Variants in TEAD1 observed in about 807,000 individuals in gnomAD.
The protein encoded by TEAD1 is transcriptional enhancer factor TEF-1.
In TEAD1, 9 loss-of-function variants were observed where a neutral mutation model predicts 54.9. That is an observed-to-expected ratio of 0.16 (90% CI 0.10 to 0.29). The LOEUF (loss-of-function observed/expected upper bound fraction) is 0.29, where lower values mean the gene tolerates loss of function less well. TEAD1 is among the 10% of genes least tolerant of loss of function. TEAD1 has a pLI of 1.00. For synonymous variants in TEAD1, 200 were observed against 187.8 expected, an observed-to-expected ratio of 1.07 and a Z score of -0.53; for missense variants, 387 against 535.9, an observed-to-expected ratio of 0.72 and a Z score of 2.74.
At chr11:12,933,472 A>G (rs1039969439) in intron 12 of TEAD1, among the ~76,000 whole-genome samples, 2 of 152,196 alleles carry the variant, frequency 1.3e-5, no homozygotes, top group African/African-American at 4.8e-5. Context: ...ACTTTAAATC[A>G]TCTCTAGATT....
At chr11:12,899,027 T>G (rs1206704666) in intron 9 of TEAD1, among the ~76,000 whole-genome samples, 23 of 152,162 alleles carry the variant, frequency 1.5e-4, no homozygotes, top group Admixed American at 1.5e-3. Context: ...ACTTCAAGTT[T>G]CCCAGCTTCT....
intron 9 of TEAD1, among the ~76,000 whole-genome samples, chr11:12,890,589 G>T (rs1245463902): frequency 6.6e-6 from 1 of 152,148 alleles, no homozygotes; most frequent in East Asian, 1.9e-4. Context: ...TTACTGTGAT[G>T]ATTACATTTA....
chr11:12,857,576 C>CTGTG (rs1461148875), intron 3 of TEAD1, among the ~76,000 whole-genome samples: 8 of 67,928 alleles, frequency 1.2e-4, no homozygotes, highest in Admixed American at 3.8e-4. Flanking sequence ...CTCTCTCTGT[C>CTGTG]TCTGTGTGTG....
intron 3 of TEAD1, among the ~76,000 whole-genome samples, chr11:12,846,853 C>T (rs896621609): frequency 1.3e-5 from 2 of 152,148 alleles, no homozygotes; most frequent in African/African-American, 4.8e-5. Flanking sequence ...TTAAGCTTTC[C>T]AGGTTCATTC....
chr11:12,838,970 CTT>C (rs1447022874), intron 3 of TEAD1, among the ~76,000 whole-genome samples: 1 of 152,172 alleles, frequency 6.6e-6, no homozygotes, highest in Non-Finnish European at 1.5e-5. Context: ...GGGAAACAGA[CTT>C]ATAAATTCCT....
chr11:12,823,500 A>G (rs1011733579), intron 3 of TEAD1: 2 of 152,230 alleles, frequency 1.3e-5, no homozygotes, highest in Non-Finnish European at 2.9e-5. Context: ...ACAGGTGGGC[A>G]TGCTGGGGAC....
rs540247289 is a variant in TEAD1, at chr11:12,831,528, T to G, written c.203-30722T>G. Among the ~76,000 whole-genome samples, 20 of 152,198 alleles carry G rather than the reference T, an allele frequency of 1.3e-4. No individual in the cohort carries two copies. In the East Asian group the frequency reaches 3.5e-3, roughly 26 times the overall value. ...TTAAAAATAGGGTTCTAGAGGTGTT[T>G]TTGTTGTTGTTGTTGTGTTTTTTGT... On this transcript the variant is annotated intron_variant, in intron 3 of 12. Transcript: ENST00000527636.
chr11:12,690,261 AAAT>A (rs1554920389), intron 2 of TEAD1, among the ~76,000 whole-genome samples: 1 of 145,832 alleles, frequency 6.9e-6, no homozygotes, highest in African/African-American at 2.6e-5. Flanking sequence ...AAAAAAAAAA[AAAT>A]AATAAGCCCT....
intron 12 of TEAD1, among the ~76,000 whole-genome samples, chr11:12,934,716 A>G (rs1949069796): frequency 6.6e-6 from 1 of 152,108 alleles, no homozygotes. Flanking sequence ...AGAATGCTCA[A>G]GTCTGCACTT....
At chr11:12,865,045 T>C in intron 5 of TEAD1, 145 bp downstream of exon 5, 1 of 907,266 alleles carries the variant, frequency 1.1e-6, no homozygotes, top group Non-Finnish European at 1.8e-6. Flanking sequence ...TTGTGTTTAA[T>C]CTCTCTGTTT....
intron 5 of TEAD1, among the ~76,000 whole-genome samples, chr11:12,873,744 A>G (rs143572609): frequency 5.4e-4 from 82 of 152,312 alleles, no homozygotes; most frequent in African/African-American, 1.9e-3. Context: ...TCCTTTTTCC[A>G]AAACCATAAT....
At chr11:12,885,024 C>G (rs1948057743) in intron 9 of TEAD1, among the ~76,000 whole-genome samples, 1 of 152,158 alleles carries the variant, frequency 6.6e-6, no homozygotes, top group Non-Finnish European at 1.5e-5. Context: ...GTATTTCATT[C>G]TGTCCTTACA....
At chr11:12,860,332 T>C (rs1187649484) in intron 3 of TEAD1, among the ~76,000 whole-genome samples, 2 of 152,182 alleles carry the variant, frequency 1.3e-5, no homozygotes, top group Non-Finnish European at 2.9e-5. Flanking sequence ...CTAAGGCTTA[T>C]GAGGACTTTC....
Position 12,709,346 on chromosome 11 carries a change from TAAA to T in TEAD1, c.-55+33795_-55+33797del, listed in dbSNP as rs60875630. Among the ~76,000 whole-genome samples, 313 of 144,898 alleles carry T rather than the reference TAAA, an allele frequency of 2.2e-3. 1 individual carries two copies. The highest frequency in any genetic ancestry group is 6.9e-3 in the African/African-American group (279 of 40,434). ...GAGCAAGATTCTCTCTCAAAAAAAATAAAAAAAAAAAACCAGAATAATTTGATG... is the reference window on the plus strand; with the variant it reads ...GAGCAAGATTCTCTCTCAAAAAAAATAAAAAAAAACCAGAATAATTTGATG... On this transcript the variant is annotated intron_variant, in intron 2 of 12. Coordinates refer to ENST00000527636, the MANE Select transcript of TEAD1 (RefSeq NM_021961.6).
chr11:12,912,359 G>GGA (rs1214439587), intron 10 of TEAD1, among the ~76,000 whole-genome samples: 1 of 152,124 alleles, frequency 6.6e-6, no homozygotes, highest in Admixed American at 6.6e-5. Context: ...GCACAGAGGT[G>GGA]GAACCCTTTT....
At chr11:12,880,305 G>A (rs981011262) in intron 6 of TEAD1, among the ~76,000 whole-genome samples, 4 of 152,214 alleles carry the variant, frequency 2.6e-5, no homozygotes, top group Non-Finnish European at 5.9e-5. Context: ...GAAGCATTAT[G>A]TTATAATCTC....
intron 2 of TEAD1, among the ~76,000 whole-genome samples, chr11:12,702,726 G>A (rs571843878): frequency 2.0e-5 from 3 of 152,152 alleles, no homozygotes; most frequent in South Asian, 2.1e-4. Context: ...TCTCTCGCCC[G>A]GATTACTCTG....
At chr11:12,841,267 G>A (rs1377379639) in intron 3 of TEAD1, among the ~76,000 whole-genome samples, 1 of 152,190 alleles carries the variant, frequency 6.6e-6, no homozygotes, top group Non-Finnish European at 1.5e-5. Context: ...CAGAAGAGCT[G>A]TCTTTTTTCC....
At position 12,719,483 on chromosome 11, in the gene TEAD1, C is replaced by T. The variant is rs77167127; in HGVS notation, c.-55+43922C>T. 9.8e-3 allele frequency among the ~76,000 whole-genome samples: 1,467 copies of T among 149,778 alleles called. 13 individuals carry two copies. Among genetic ancestry groups the T allele is most frequent in the Middle Eastern group, 0.017 (5 of 294 alleles). On this transcript the variant is annotated intron_variant, in intron 2 of 12. Coordinates refer to ENST00000527636, the MANE Select transcript of TEAD1 (RefSeq NM_021961.6). ...CAGTCCCTAACCACACATTGCGGCT[C>T]TCTACCTCTTAAGCTATGCTCCTTG...
Sources: allele counts gnomAD v4.1 joint callset (sites outside exome capture counted in the v4.1 genomes callset), GRCh38; gene constraint gnomAD v4.1.1; transcripts MANE v1.5; gene names NCBI Gene and HGNC (gene_info 2026-07-23, HGNC 2026-07-21).